The following CDH5 variants were observed in gnomAD, a reference collection of about 807,000 sequenced individuals.
CDH5 encodes the protein cadherin 5, also known as cadherin-5.
In CDH5, 28 loss-of-function variants were observed where a neutral mutation model predicts 62.0. The observed-to-expected ratio is 0.45, with a 90% CI of 0.33 to 0.62. CDH5 has a LOEUF of 0.62. CDH5 is among the 20% of genes least tolerant of loss of function. CDH5 has a pLI of 0.02. For synonymous variants in CDH5, 464 were observed against 445.8 expected (o/e 1.04, Z -0.52); for missense variants, 940 against 1,065.1 (o/e 0.88, Z 1.63).
chr16:66,400,221 C>T (rs1961256626), intron 10 of CDH5, among the ~76,000 whole-genome samples: 1 of 152,210 alleles, frequency 6.6e-6, no homozygotes, highest in South Asian at 2.1e-4. Context: ...TTCCCAGTTC[C>T]AAACTGCCTG....
At chr16:66,386,727 C>CTG in intron 2 of CDH5, 82 bp from the exon 3 acceptor site, 1 of 1,269,476 alleles carries the variant, frequency 7.9e-7, no homozygotes, top group Non-Finnish European at 1.1e-6. Flanking sequence ...ACAGGCACAC[C>CTG]TGTGTACACA....
chr16:66,376,447 C>A (rs115876473), intron 1 of CDH5: 2 of 152,202 alleles, frequency 1.3e-5, no homozygotes, highest in Non-Finnish European at 2.9e-5. Context: ...AACCACATTC[C>A]CGCTCACTGT....
chr16:66,371,304 C>T (rs776419916), intron 1 of CDH5, among the ~76,000 whole-genome samples: 5 of 152,116 alleles, frequency 3.3e-5, no homozygotes, highest in Non-Finnish European at 7.4e-5. Flanking sequence ...TGCCCAGGGC[C>T]ACACACGGAG....
chr16:66,386,156 A>G (rs1046565317), intron 2 of CDH5, among the ~76,000 whole-genome samples: 1 of 152,190 alleles, frequency 6.6e-6, no homozygotes, highest in Admixed American at 6.5e-5. Flanking sequence ...TTTCCACTCA[A>G]AAAATGTTTT....
At position 66,366,758 on chromosome 16, in the gene CDH5, G is replaced by T. The variant is rs1023091123; in HGVS notation, c.-20G>T. On this transcript the variant is annotated splice_region_variant and 5_prime_UTR_variant, in exon 1 of 12. Transcript: ENST00000341529. ...GAAACATCCCTCAGCCCACAGGCAC[G>T]GTGAGTGGGGGCTCCCACACTCCCC... is the stretch of plus-strand genomic sequence containing the variant. The T allele has an allele frequency of 6.6e-6, 1 of 152,330 alleles. No homozygotes were observed. Among genetic ancestry groups the T allele is most frequent in the East Asian group, 1.9e-4 (1 of 5,180 alleles). The allele number at this position is 152,330 out of a possible 1,614,324, so 9.4% of individuals were successfully genotyped here.
intron 1 of CDH5, among the ~76,000 whole-genome samples, chr16:66,370,301 A>G (rs962260758): frequency 1.3e-5 from 2 of 152,054 alleles, no homozygotes; most frequent in African/African-American, 4.8e-5. Context: ...ACACCTGGCC[A>G]GGGACTCTTA....
intron 6 of CDH5, among the ~76,000 whole-genome samples, chr16:66,391,501 G>A (rs537488911): frequency 2.6e-5 from 4 of 152,184 alleles, no homozygotes; most frequent in East Asian, 1.9e-4. Flanking sequence ...GGCCGGGCCC[G>A]GTGGTTCACG....
chr16:66,390,465 G>T lies in CDH5; in HGVS notation c.844G>T (p.Val282Phe). 1 of 1,614,126 alleles carries T rather than the reference G, an allele frequency of 6.2e-7. No individual in the cohort carries two copies. Among genetic ancestry groups the T allele is most frequent in the Non-Finnish European group, 8.5e-7 (1 of 1,180,024 alleles). Residue 282 changes from valine (V) to phenylalanine (F), a missense_variant, in exon 6 of 12, where the codon GTT becomes TTT. By Grantham distance (50) the Val-to-Phe change is conservative. Transcript: ENST00000341529. The part of the protein sequence containing the change: ...RVGTSVGSLF[V>F]EDPDEPQNRM... Reference sequence around the variant, plus strand: ...GGGCACCTCTGTGGGCTCTCTGTTTGTTGAGGACCCAGATGAGCCCCAGAA... The same window carrying T: ...GGGCACCTCTGTGGGCTCTCTGTTTTTTGAGGACCCAGATGAGCCCCAGAA...
In CDH5 at chr16:66,400,876, C is replaced by T. The variant is rs769543281; in HGVS notation, c.1697C>T (p.Thr566Met). ...VISDNGMPSR[T>M]GTSTLTVAVC... ...TCAGACAATGGGATGCCAAGTCGCA[C>T]GGGCACCAGCACGCTGACCGTGGCC... Residue 566 changes from threonine to methionine, a missense_variant, in exon 11 of 12, where the codon ACG (threonine) becomes ATG (methionine). Thr to Met is a moderately conservative substitution (Grantham distance 81). Transcript: ENST00000341529. The T allele has an allele frequency of 5.1e-5, 82 of 1,614,096 alleles. No individual in the cohort carries two copies. The highest frequency in any genetic ancestry group is 6.7e-5 in the Admixed American group (4 of 60,016).
Position 66,403,125 on chromosome 16 carries a change from G to A in CDH5, c.2311G>A (p.Ala771Thr). 1 of 1,613,532 alleles carries A rather than the reference G, an allele frequency of 6.2e-7. No homozygotes were observed. The highest frequency in any genetic ancestry group is 8.5e-7 in the Non-Finnish European group (1 of 1,179,926). The change falls in exon 12 of 12, where the codon GCT (alanine) becomes ACT (threonine). Residue 771 changes from alanine to threonine, a missense_variant. By Grantham distance (58) the Ala-to-Thr change is moderately conservative (BLOSUM62 0). Transcript: ENST00000341529. The surrounding 1 kb of genome is among the most constrained non-coding windows in gnomAD (Gnocchi z 4.3). ...NDWGPRFKML[A>T]ELYGSDPREE... Reference sequence around the variant, plus strand: ...CTGGGGACCCAGGTTTAAGATGCTGGCTGAGCTGTACGGCTCGGACCCCCG... The same window carrying A: ...CTGGGGACCCAGGTTTAAGATGCTGACTGAGCTGTACGGCTCGGACCCCCG...
intron 2 of CDH5, among the ~76,000 whole-genome samples, chr16:66,385,139 G>A (rs1028223825): frequency 1.3e-5 from 2 of 152,148 alleles, no homozygotes; most frequent in African/African-American, 2.4e-5. Flanking sequence ...TTCTATTTTG[G>A]GGACATACTA....
At chr16:66,375,783 G>A (rs1253738322) in intron 1 of CDH5, among the ~76,000 whole-genome samples, 4 of 151,174 alleles carry the variant, frequency 2.6e-5, no homozygotes, top group African/African-American at 9.7e-5. Context: ...TTAGGGTAGT[G>A]CAAAAGTAAT....
chr16:66,402,915 G>C lies in CDH5; in HGVS notation c.2101G>C (p.Gly701Arg), dbSNP rs754344820. Residue 701 changes from glycine to arginine, a missense_variant, in exon 12 of 12, where the codon GGG becomes CGG. Physicochemically the swap from Gly to Arg is moderately radical, Grantham distance 125 (BLOSUM62 -2). Coordinates refer to ENST00000341529, the MANE Select transcript of CDH5 (RefSeq NM_001795.5). ...GAGGCACGCGCCTGGGGCACACGGA[G>C]GGCCCGGGGAGATGGCAGCCATGAT... ...PPRHAPGAHG[G>R]PGEMAAMIEV... 6.2e-7 allele frequency: 1 copy of C among 1,611,934 alleles called. No individual in the cohort carries two copies.
At chr16:66,398,215 G>A in intron 9 of CDH5, 109 bp downstream of exon 9, 1 of 1,313,956 alleles carries the variant, frequency 7.6e-7, no homozygotes, top group Non-Finnish European at 1.1e-6. Flanking sequence ...TAGCCTTGAG[G>A]AAAATAACAT....
At chr16:66,379,596 A>G in intron 2 of CDH5, 49 bp downstream of exon 2, 1 of 1,539,846 alleles carries the variant, frequency 6.5e-7, no homozygotes, top group Non-Finnish European at 9.0e-7. Context: ...GCTGGCCCAT[A>G]GTGACAAGTG....
intron 1 of CDH5, among the ~76,000 whole-genome samples, chr16:66,375,766 T>A (rs1960773648): frequency 6.6e-6 from 1 of 151,834 alleles, no homozygotes; most frequent in Non-Finnish European, 1.5e-5. Context: ...AAGAAATTAG[T>A]TTACTATTAG....
chr16:66,396,331 G>T, intron 8 of CDH5, 130 bp downstream of exon 8: 1 of 1,083,128 alleles, frequency 9.2e-7, no homozygotes, highest in Admixed American at 2.3e-5. Flanking sequence ...CGCTGGTTGG[G>T]ATGCTATAGA....
intron 10 of CDH5, among the ~76,000 whole-genome samples, chr16:66,399,716 T>G (rs1961248596): frequency 6.6e-6 from 1 of 152,218 alleles, no homozygotes; most frequent in South Asian, 2.1e-4. Flanking sequence ...AAAGATTCAG[T>G]GCCACCCCAA....
chr16:66,373,915 G>A (rs953234466), intron 1 of CDH5, among the ~76,000 whole-genome samples: 6 of 152,074 alleles, frequency 3.9e-5, no homozygotes, highest in South Asian at 2.1e-4. Context: ...AATTAAATGC[G>A]CTGGCATGGA....
Sources: allele counts gnomAD v4.1 joint callset (sites outside exome capture counted in the v4.1 genomes callset), GRCh38; gene constraint gnomAD v4.1.1; non-coding constraint Gnocchi (gnomAD v3.1); transcripts MANE v1.5; gene names NCBI Gene and HGNC (gene_info 2026-07-23, HGNC 2026-07-21).